NGFR: variants seen among roughly 807,000 people sequenced by gnomAD.
NGFR encodes the protein nerve growth factor receptor.
NGFR carries 30 observed loss-of-function variants against 43.2 expected under a neutral mutation model. The ratio of observed to expected loss-of-function variants is 0.69; its 90% CI spans 0.52 to 0.94. NGFR has a LOEUF of 0.94. Ranked by LOEUF, NGFR falls within the 40% of genes least tolerant of loss-of-function variation. The pLI, the probability that NGFR is intolerant of heterozygous loss-of-function variation, is 0.00. For synonymous variants in NGFR, 246 were observed against 259.6 expected (o/e 0.95, Z 0.50); for missense variants, 529 against 602.5 (o/e 0.88, Z 1.28).
intron 2 of NGFR, chr17:49,506,032 T>C: frequency 1.9e-6 from 1 of 519,624 alleles, no homozygotes; most frequent in Non-Finnish European, 3.3e-6. Flanking sequence ...CGGCACCAGC[T>C]GGGTTATGCC....
Position 49,506,414 on chromosome 17 carries a change from C to T in NGFR, c.324C>T (p.Arg108=). 1.2e-6 allele frequency: 2 copies of T among 1,605,308 alleles called. No homozygotes were observed. The highest frequency in any genetic ancestry group is 1.7e-6 in the Non-Finnish European group (2 of 1,178,316). The change falls in exon 3 of 6, where the codon CGC becomes CGT. Residue 108 remains arginine (R), a synonymous_variant. Transcript: ENST00000172229. ...PCVEADDAVC[R]CAYGYYQDET... The stretch of plus-strand genomic sequence containing the variant: ...TGGAGGCCGACGACGCCGTGTGCCG[C>T]TGCGCCTACGGCTACTACCAGGATG...
intron 1 of NGFR, among the ~76,000 whole-genome samples, chr17:49,501,670 C>T (rs1377915336): frequency 2.0e-5 from 3 of 152,230 alleles, no homozygotes; most frequent in African/African-American, 7.2e-5. Context: ...CTACTTGCCC[C>T]GTTGGCTGGG....
chr17:49,498,482 G>A (rs1010780613), intron 1 of NGFR, among the ~76,000 whole-genome samples: 2 of 152,262 alleles, frequency 1.3e-5, no homozygotes, highest in African/African-American at 2.4e-5. Flanking sequence ...ATCCCATGGC[G>A]GTGACCACGG....
At chr17:49,502,968 T>A (rs528429073) in intron 2 of NGFR, among the ~76,000 whole-genome samples, 2 of 151,758 alleles carry the variant, frequency 1.3e-5, no homozygotes, top group Non-Finnish European at 2.9e-5. Flanking sequence ...AGGTTGGGAG[T>A]GCAATGGCAT....
Position 49,495,817 on chromosome 17 carries a change from T to A in NGFR, c.66+334T>A. On this transcript the variant is annotated intron_variant, in intron 1 of 5. Coordinates refer to ENST00000172229, the MANE Select transcript of NGFR (RefSeq NM_002507.4). The surrounding 1 kb of genome is among the most constrained non-coding windows in gnomAD (Gnocchi z 6.4). The stretch of plus-strand genomic sequence containing the variant: ...GGTTCTTCGGAAGAGGACACTCGAA[T>A]GCCGGGATCCCGAAGGGACTTTCCC... 1 of 297,688 alleles carries A rather than the reference T, an allele frequency of 3.4e-6. No homozygotes were observed. The highest frequency in any genetic ancestry group is 6.2e-6 in the Non-Finnish European group (1 of 161,646). The allele number at this position is 297,688 out of a possible 1,614,324, so 18.4% of individuals were successfully genotyped here. A position where few individuals can be genotyped will look rare whatever the true frequency, so the allele number is the denominator to read the frequency against.
Position 49,495,302 on chromosome 17 carries a change from C to G in NGFR, c.-116C>G, listed in dbSNP as rs922683430. On this transcript the variant is annotated 5_prime_UTR_variant, in exon 1 of 6. Coordinates refer to ENST00000172229, the MANE Select transcript of NGFR (RefSeq NM_002507.4). This position sits in a 1 kb window ranked among gnomAD's most constrained non-coding sequence, Gnocchi z 6.4. ...TCTCCCGCCCGCAGCCAGAGCGAGCCGAGCCGCGGCCAGCTCCGGCGGGCA... is the reference window on the plus strand; with the variant it reads ...TCTCCCGCCCGCAGCCAGAGCGAGCGGAGCCGCGGCCAGCTCCGGCGGGCA... 12 of 872,136 alleles carry G rather than the reference C, an allele frequency of 1.4e-5. No homozygotes were observed. The East Asian group carries it at 3.4e-4, about 25-fold the overall frequency. 54.0% of individuals were successfully genotyped at this position (872,136 alleles called of 1,614,324 possible).
At position 49,512,685 on chromosome 17, in the gene NGFR, A is replaced by C. The variant is rs926280537; in HGVS notation, c.983-23A>C. On this transcript the variant is annotated intron_variant, in intron 5 of 5. Transcript: ENST00000172229. This position sits in a 1 kb window ranked among gnomAD's most constrained non-coding sequence, Gnocchi z 5.2. ...GAAAGGAGTTCAGGGGTAGGACCTG[A>C]CTCTCCTCTGGTTTCTCTGCAGCCC... 37 of 1,553,012 alleles carry C rather than the reference A, an allele frequency of 2.4e-5. No homozygotes were observed. In the Admixed American group the frequency reaches 6.1e-4, roughly 26 times the overall value.
At chr17:49,507,142 T>C (rs1234687746) in intron 3 of NGFR, among the ~76,000 whole-genome samples, 2 of 152,092 alleles carry the variant, frequency 1.3e-5, no homozygotes, top group African/African-American at 2.4e-5. Context: ...CTGGTCTAGG[T>C]CCATGGTGGG....
chr17:49,501,886 C>A (rs534612202), intron 1 of NGFR, among the ~76,000 whole-genome samples, 177 bp from the exon 2 acceptor site: 1 of 152,242 alleles, frequency 6.6e-6, no homozygotes, highest in Non-Finnish European at 1.5e-5. Context: ...CTGTCCCTCA[C>A]TTGCCTTTCC....
At chr17:49,508,107 A>G (rs917247159) in intron 3 of NGFR, among the ~76,000 whole-genome samples, 1 of 152,206 alleles carries the variant, frequency 6.6e-6, no homozygotes, top group African/African-American at 2.4e-5. Context: ...GAGGAGTAGG[A>G]TGTGGTGGTT....
rs2071241510 is a variant in NGFR, at chr17:49,512,686, C to G, written c.983-22C>G. ...AAAGGAGTTCAGGGGTAGGACCTGACTCTCCTCTGGTTTCTCTGCAGCCCT... is the reference window on the plus strand; with the variant it reads ...AAAGGAGTTCAGGGGTAGGACCTGAGTCTCCTCTGGTTTCTCTGCAGCCCT... On this transcript the variant is annotated intron_variant, in intron 5 of 5. Transcript: ENST00000172229. This position sits in a 1 kb window ranked among gnomAD's most constrained non-coding sequence, Gnocchi z 5.2. 2 of 1,554,566 alleles carry G rather than the reference C, an allele frequency of 1.3e-6. No individual in the cohort carries two copies. Among genetic ancestry groups the G allele is most frequent in the African/African-American group, 2.7e-5 (2 of 73,692 alleles).
intron 2 of NGFR, among the ~76,000 whole-genome samples, chr17:49,502,815 T>TCTTTCTTCCTTC (rs750931350): frequency 3.7e-4 from 45 of 121,586 alleles, no homozygotes; most frequent in African/African-American, 1.1e-3. Context: ...GCCTGGGATT[T>TCTTTCTTCCTTC]CTTCCTTCCT....
intron 3 of NGFR, among the ~76,000 whole-genome samples, chr17:49,508,727 C>A (rs557122721): frequency 1.3e-5 from 2 of 152,168 alleles, no homozygotes; most frequent in Non-Finnish European, 2.9e-5. Flanking sequence ...TGCTAGTGGA[C>A]GTGGCCACAT....
In NGFR at chr17:49,506,557, A is replaced by G; in HGVS notation, c.467A>G (p.Asp156Gly). Residue 156 changes from aspartate to glycine, a missense_variant, in exon 3 of 6, where the codon GAC becomes GGC. Asp to Gly is a moderately conservative substitution (Grantham distance 94). Transcript: ENST00000172229. ...GAGTGCCCCGACGGCACGTATTCCGACGAGGCCAACCACGTGGACCCGTGC... is the reference window on the plus strand; with the variant it reads ...GAGTGCCCCGACGGCACGTATTCCGGCGAGGCCAACCACGTGGACCCGTGC... ...CEECPDGTYS[D>G]EANHVDPCLP... is the part of the protein sequence containing the mutation. 1 of 1,611,498 alleles carries G rather than the reference A, an allele frequency of 6.2e-7. No homozygotes were observed. The highest frequency in any genetic ancestry group is 1.1e-5 in the South Asian group (1 of 91,050).
chr17:49,495,889 G>T lies in NGFR; in HGVS notation c.66+406G>T, dbSNP rs963152212. On this transcript the variant is annotated intron_variant, in intron 1 of 5. Coordinates refer to ENST00000172229, the MANE Select transcript of NGFR (RefSeq NM_002507.4). The surrounding 1 kb of genome is among the most constrained non-coding windows in gnomAD (Gnocchi z 6.4). The stretch of plus-strand genomic sequence containing the variant: ...GAGTCGTGGGACAGAACCAAGGCGA[G>T]AGAAGGAGGGGGAACTGGACGGGGA... 4 of 187,100 alleles carry T rather than the reference G, an allele frequency of 2.1e-5. No individual in the cohort carries two copies. The highest frequency in any genetic ancestry group is 4.4e-5 in the Non-Finnish European group (4 of 91,178). The allele number at this position is 187,100 out of a possible 1,614,324, so 11.6% of individuals were successfully genotyped here. A position where few individuals can be genotyped will look rare whatever the true frequency, so the allele number is the denominator to read the frequency against.
Position 49,502,182 on chromosome 17 carries a change from C to T in NGFR, c.186C>T (p.Thr62=), listed in dbSNP as rs145359531. The T allele has an allele frequency of 7.1e-4, 1,138 of 1,609,118 alleles. No homozygotes were observed. The highest frequency in any genetic ancestry group is 8.7e-4 in the Non-Finnish European group (1,027 of 1,177,500). ...GVAQPCGANQ[T]VCEPCLDSVT... ...CCCAGCCTTGTGGAGCCAACCAGAC[C>T]GTGTGTGAGCCCTGCCTGGACAGTG... Residue 62 remains threonine, a synonymous_variant, in exon 2 of 6, where the codon ACC becomes ACT. Transcript: ENST00000172229.
intron 1 of NGFR, among the ~76,000 whole-genome samples, chr17:49,499,809 G>A (rs910389658): frequency 2.3e-4 from 35 of 152,154 alleles, no homozygotes; most frequent in African/African-American, 8.4e-4. Flanking sequence ...GGATGGTCTC[G>A]ATCTCCTGAC....
chr17:49,512,717 G>A lies in NGFR; in HGVS notation c.992G>A (p.Gly331Asp). 6.2e-7 allele frequency: 1 copy of A among 1,600,008 alleles called. No individual in the cohort carries two copies. Among genetic ancestry groups the A allele is most frequent in the Non-Finnish European group, 8.5e-7 (1 of 1,172,950 alleles). The change falls in exon 6 of 6, where the codon GGT becomes GAT. Residue 331 changes from glycine (G) to aspartate (D), a missense_variant. Gly to Asp is a moderately conservative substitution (Grantham distance 94). Coordinates refer to ENST00000172229, the MANE Select transcript of NGFR (RefSeq NM_002507.4). This position sits in a 1 kb window ranked among gnomAD's most constrained non-coding sequence, Gnocchi z 5.2. ...TCTGGTTTCTCTGCAGCCCTCAAGGGTGACGGAGGCCTCTACAGCAGCCTG... is the reference window on the plus strand; with the variant it reads ...TCTGGTTTCTCTGCAGCCCTCAAGGATGACGGAGGCCTCTACAGCAGCCTG... Reference protein sequence around the residue: ...TQTASGQALKGDGGLYSSLPP... With the variant: ...TQTASGQALKDDGGLYSSLPP...
intron 1 of NGFR, among the ~76,000 whole-genome samples, chr17:49,498,180 C>T (rs1468395900): frequency 6.6e-6 from 1 of 152,130 alleles, no homozygotes; most frequent in African/African-American, 2.4e-5. Context: ...CTCTTTCCTA[C>T]ATATGCCAGG....
Sources: gnomAD v4.1 joint callset for allele counts (sites outside exome capture counted in the v4.1 genomes callset) on GRCh38, gnomAD v4.1.1 for gene constraint, Gnocchi (gnomAD v3.1) non-coding constraint, MANE v1.5 for transcripts, NCBI Gene and HGNC (gene_info 2026-07-23, HGNC 2026-07-21) for gene names.